MAGI1: variants seen among roughly 807,000 people sequenced by gnomAD.
MAGI1 encodes the protein membrane-associated guanylate kinase, WW and PDZ domain-containing protein 1.
Under a neutral mutation model 139.9 loss-of-function variants are expected in MAGI1, and 58 were observed. That is an observed-to-expected ratio of 0.41 (90% CI 0.34 to 0.52). The LOEUF (loss-of-function observed/expected upper bound fraction) is 0.52, where lower values mean the gene tolerates loss of function less well. MAGI1 is among the 20% of genes least tolerant of loss of function. The pLI, the probability that MAGI1 is intolerant of heterozygous loss-of-function variation, is 0.12. For synonymous variants in MAGI1, 812 were observed against 737.9 expected (o/e 1.10, Z -1.63); for missense variants, 1,874 against 1,901.6 (o/e 0.99, Z 0.27).
At chr3:65,703,751 G>A (rs551113088) in intron 1 of MAGI1, among the ~76,000 whole-genome samples, 8 of 152,162 alleles carry the variant, frequency 5.3e-5, no homozygotes, top group East Asian at 3.9e-4. Context: ...GGATGCCTGC[G>A]GGAGAGAAGG....
intron 1 of MAGI1, among the ~76,000 whole-genome samples, chr3:65,931,851 T>TTGTACAAATGAC (rs147527105): frequency 6.6e-6 from 1 of 152,168 alleles, no homozygotes; most frequent in African/African-American, 2.4e-5. Context: ...ACTACCTATA[T>TTGTACAAATGAC]TTTTTATTGC....
chr3:65,626,967 T>C (rs1030894151), intron 1 of MAGI1, among the ~76,000 whole-genome samples: 2 of 152,226 alleles, frequency 1.3e-5, no homozygotes, highest in African/African-American at 4.8e-5. Context: ...CATAGCATCT[T>C]CACTTTCTTT....
At chr3:65,780,876 G>A (rs927527242) in intron 1 of MAGI1, among the ~76,000 whole-genome samples, 6 of 152,152 alleles carry the variant, frequency 3.9e-5, no homozygotes, top group African/African-American at 1.2e-4. Context: ...CCATGACTAC[G>A]GGTGATTTTT....
chr3:65,710,469 G>A (rs916937914), intron 1 of MAGI1, among the ~76,000 whole-genome samples: 10 of 151,488 alleles, frequency 6.6e-5, no homozygotes, highest in African/African-American at 2.4e-4. Context: ...TAGTAGAGAT[G>A]GGGTTTCTCC....
chr3:65,455,786 G>A (rs1022697792), intron 5 of MAGI1, among the ~76,000 whole-genome samples: 2 of 152,070 alleles, frequency 1.3e-5, no homozygotes, highest in African/African-American at 4.8e-5. Context: ...TATGTAAATG[G>A]AATCATTGTA....
chr3:65,498,821 T>G (rs1413935605), intron 2 of MAGI1, among the ~76,000 whole-genome samples: 3 of 152,180 alleles, frequency 2.0e-5, no homozygotes, highest in African/African-American at 7.2e-5. Context: ...CCAGTGTGAT[T>G]AGGAAACTGA....
chr3:65,712,281 G>T (rs1053363836), intron 1 of MAGI1, among the ~76,000 whole-genome samples: 1 of 151,874 alleles, frequency 6.6e-6, no homozygotes, highest in Non-Finnish European at 1.5e-5. Context: ...CACCCACCAT[G>T]CTCTGAGGAA....
intron 1 of MAGI1, among the ~76,000 whole-genome samples, chr3:65,799,386 A>G (rs970648951): frequency 6.6e-6 from 1 of 152,208 alleles, no homozygotes; most frequent in African/African-American, 2.4e-5. Context: ...CCCTAAAATG[A>G]GTGACACTAA....
intron 1 of MAGI1, among the ~76,000 whole-genome samples, chr3:65,744,518 A>G (rs1295659405): frequency 6.6e-6 from 1 of 152,234 alleles, no homozygotes; most frequent in Non-Finnish European, 1.5e-5. Flanking sequence ...GGTTAGAATG[A>G]AATCTTAAGT....
chr3:65,358,724 C>T (rs1475478569), intron 22 of MAGI1, among the ~76,000 whole-genome samples: 1 of 152,184 alleles, frequency 6.6e-6, no homozygotes, highest in African/African-American at 2.4e-5. Context: ...GAAATCTCGT[C>T]TTCCCATCTA....
At position 65,687,593 on chromosome 3, in the gene MAGI1, T is replaced by C. The variant is rs72908158; in HGVS notation, c.314-65505A>G. The stretch of plus-strand genomic sequence containing the variant: ...GCTCCAGGGACATCTGAAGTGCAAA[T>C]TGAAGAAGTTGGATAGGTGGGATCC... On this transcript the variant is annotated intron_variant, in intron 1 of 22. Transcript: ENST00000402939. 6.9e-3 allele frequency: 2,669 copies of C among 388,132 alleles called. 59 individuals are homozygous for C. Among genetic ancestry groups the C allele is most frequent in the African/African-American group, 0.051 (2,418 of 47,016 alleles). The allele number at this position is 388,132 out of a possible 1,614,324, so 24.0% of individuals were successfully genotyped here.
At chr3:65,917,219 T>C (rs1016765542) in intron 1 of MAGI1, among the ~76,000 whole-genome samples, 3 of 152,182 alleles carry the variant, frequency 2.0e-5, no homozygotes, top group Non-Finnish European at 2.9e-5. Flanking sequence ...GTAGCACTTT[T>C]GAAATTGAAA....
chr3:65,719,017 CAAAAAAAAAA>C (rs57290579), intron 1 of MAGI1, among the ~76,000 whole-genome samples: 2 of 96,390 alleles, frequency 2.1e-5, no homozygotes, highest in Non-Finnish European at 4.2e-5. Flanking sequence ...ATAACCCTAC[CAAAAAAAAAA>C]AAAAAAAAAG....
intron 12 of MAGI1, among the ~76,000 whole-genome samples, chr3:65,410,418 G>C (rs2107190447): frequency 6.6e-6 from 1 of 152,282 alleles, no homozygotes; most frequent in South Asian, 2.1e-4. Flanking sequence ...TGAATAGCTG[G>C]GGATACTTGG....
chr3:65,799,951 A>C (rs930608882), intron 1 of MAGI1, among the ~76,000 whole-genome samples: 9 of 152,252 alleles, frequency 5.9e-5, no homozygotes, highest in African/African-American at 2.2e-4. Flanking sequence ...TTATTTAAAC[A>C]CAAATAATGT....
At chr3:65,475,089 T>C (rs1331653704) in intron 4 of MAGI1, among the ~76,000 whole-genome samples, 3 of 152,038 alleles carry the variant, frequency 2.0e-5, no homozygotes, top group Admixed American at 2.0e-4. Flanking sequence ...TGTTTAAGAA[T>C]ATCAGGGATT....
At chr3:65,553,910 G>A (rs1382193329) in intron 2 of MAGI1, among the ~76,000 whole-genome samples, 1 of 152,102 alleles carries the variant, frequency 6.6e-6, no homozygotes, top group Non-Finnish European at 1.5e-5. Flanking sequence ...TACTTTCCTC[G>A]AGGTAATGTT....
chr3:65,490,967 A>T (rs1951987991), intron 3 of MAGI1, among the ~76,000 whole-genome samples: 1 of 152,160 alleles, frequency 6.6e-6, no homozygotes, highest in African/African-American at 2.4e-5. Flanking sequence ...GGAAAAGATT[A>T]GTCCTGTGCC....
intron 1 of MAGI1, among the ~76,000 whole-genome samples, chr3:65,923,260 C>G (rs1289016657): frequency 7.1e-6 from 1 of 140,228 alleles, no homozygotes; most frequent in Non-Finnish European, 1.5e-5. Flanking sequence ...GAGTCTCGCT[C>G]TGTCACCCAG....
Sources: gnomAD v4.1 joint callset for allele counts (sites outside exome capture counted in the v4.1 genomes callset) on GRCh38, gnomAD v4.1.1 for gene constraint, MANE v1.5 for transcripts, NCBI Gene and HGNC (gene_info 2026-07-23, HGNC 2026-07-21) for gene names.